Variants in DACH1 observed in about 807,000 individuals in gnomAD.
DACH1 encodes dachshund homolog 1.
In DACH1, 12 loss-of-function variants were observed where a neutral mutation model predicts 54.2. That is an observed-to-expected ratio of 0.22 (90% CI 0.14 to 0.36). The LOEUF (loss-of-function observed/expected upper bound fraction) is 0.36. DACH1 is among the 10% of genes least tolerant of loss of function. The pLI is 1.00. For missense variants in DACH1, 805 were observed against 929.8 expected (o/e 0.87, Z 1.75); for synonymous variants, 386 against 366.2 (o/e 1.05, Z -0.62).
intron 3 of DACH1, among the ~76,000 whole-genome samples, chr13:71,576,235 A>G (rs1159569305): frequency 6.6e-6 from 1 of 152,156 alleles, no homozygotes; most frequent in African/African-American, 2.4e-5. Flanking sequence ...GAATATACTA[A>G]TAACTACATA....
At chr13:71,626,636 T>C (rs1190787495) in intron 3 of DACH1, among the ~76,000 whole-genome samples, 1 of 152,040 alleles carries the variant, frequency 6.6e-6, no homozygotes, top group Non-Finnish European at 1.5e-5. Flanking sequence ...TGTCACAAGA[T>C]AGTACTTGAT....
In DACH1 at chr13:71,698,732, A is replaced by G. The variant is rs570482600; in HGVS notation, c.849-16822T>C. Among the ~76,000 whole-genome samples, 13 of 152,272 alleles carry G rather than the reference A, an allele frequency of 8.5e-5. No homozygotes were observed. In the East Asian group the frequency reaches 2.1e-3, roughly 25 times the overall value. On this transcript the variant is annotated intron_variant, in intron 1 of 10. Coordinates refer to ENST00000613252, the MANE Select transcript of DACH1 (RefSeq NM_080759.6). ...CAACAGGTTAGACAACAGTATGATC[A>G]TATTTTGTATAGGCTATCAGTATTT...
chr13:71,773,775 C>T (rs1885952981), intron 1 of DACH1, among the ~76,000 whole-genome samples: 1 of 151,918 alleles, frequency 6.6e-6, no homozygotes, highest in Non-Finnish European at 1.5e-5. Context: ...AGACAAACAG[C>T]TGTGAAAACA....
At chr13:71,672,053 A>G (rs1880237088) in intron 2 of DACH1, among the ~76,000 whole-genome samples, 1 of 152,136 alleles carries the variant, frequency 6.6e-6, no homozygotes, top group South Asian at 2.1e-4. Flanking sequence ...AAGTTTGTCA[A>G]TGTCTTACTA....
At chr13:71,606,008 C>T (rs988611416) in intron 3 of DACH1, among the ~76,000 whole-genome samples, 1 of 152,046 alleles carries the variant, frequency 6.6e-6, no homozygotes, top group Admixed American at 6.6e-5. Context: ...ACTGAAGCTA[C>T]ACTGTTGTGA....
rs542116128 is a variant in DACH1, at chr13:71,751,114, A to G, written c.849-69204T>C. On this transcript the variant is annotated intron_variant, in intron 1 of 10. Transcript: ENST00000613252. ...ACCCTTCTGTATGGAAGGAGGTTAC[A>G]AATCTGCCCCTTTTCCCTGTTCAAA... 3.0e-4 allele frequency among the ~76,000 whole-genome samples: 45 copies of G among 152,326 alleles called. No individual in the cohort carries two copies. In the South Asian group the frequency reaches 8.7e-3, roughly 29 times the overall value.
chr13:71,670,771 C>T (rs1461534484), intron 2 of DACH1, among the ~76,000 whole-genome samples: 1 of 152,030 alleles, frequency 6.6e-6, no homozygotes, highest in Non-Finnish European at 1.5e-5. Context: ...CTTTGTCTAG[C>T]TTCATCACTT....
chr13:71,439,726 C>CA lies in DACH1; in HGVS notation c.*928dup, dbSNP rs1417703361. ...TTTACATGCCTGCATGCGTTAAAAC[C>CA]AGAAAGACATCTTTCTGACCAACAG... On this transcript the variant is annotated 3_prime_UTR_variant, in exon 11 of 11. Coordinates refer to ENST00000613252, the MANE Select transcript of DACH1 (RefSeq NM_080759.6). 6.6e-6 allele frequency: 1 copy of CA among 152,312 alleles called. No individual in the cohort carries two copies. Among genetic ancestry groups the CA allele is most frequent in the Non-Finnish European group, 1.5e-5 (1 of 67,898 alleles). The allele number at this position is 152,312 out of a possible 1,614,324, so 9.4% of individuals were successfully genotyped here.
At chr13:71,571,040 A>G (rs1045509761) in intron 4 of DACH1, among the ~76,000 whole-genome samples, 4 of 152,182 alleles carry the variant, frequency 2.6e-5, no homozygotes, top group Non-Finnish European at 5.9e-5. Flanking sequence ...TACAGGCCAT[A>G]ATTTAGACAC....
At chr13:71,534,271 C>T (rs1216778403) in intron 6 of DACH1, among the ~76,000 whole-genome samples, 1 of 151,852 alleles carries the variant, frequency 6.6e-6, no homozygotes, top group Non-Finnish European at 1.5e-5. Context: ...GTATACTAAA[C>T]ATGAAATACA....
chr13:71,857,844 G>C (rs1466300489), intron 1 of DACH1, among the ~76,000 whole-genome samples: 1 of 151,836 alleles, frequency 6.6e-6, no homozygotes, highest in South Asian at 2.1e-4. Context: ...GAATGCATCA[G>C]TATATTTTAG....
chr13:71,595,149 T>C (rs1874003372), intron 3 of DACH1, among the ~76,000 whole-genome samples: 1 of 152,094 alleles, frequency 6.6e-6, no homozygotes, highest in South Asian at 2.1e-4. Context: ...CTCAAGAAGA[T>C]GGCTGGACAA....
chr13:71,664,623 G>T (rs1879711758), intron 2 of DACH1, among the ~76,000 whole-genome samples: 1 of 151,974 alleles, frequency 6.6e-6, no homozygotes, highest in Non-Finnish European at 1.5e-5. Flanking sequence ...TAAATAACTG[G>T]TGTACCACAT....
chr13:71,856,819 A>G (rs964911181), intron 1 of DACH1, among the ~76,000 whole-genome samples: 3 of 151,954 alleles, frequency 2.0e-5, no homozygotes, highest in African/African-American at 7.2e-5. Flanking sequence ...GTGTTTTCAA[A>G]GACAATTATA....
intron 10 of DACH1, among the ~76,000 whole-genome samples, chr13:71,461,355 T>A (rs1876058440): frequency 6.6e-6 from 1 of 152,034 alleles, no homozygotes; most frequent in Admixed American, 6.6e-5. Context: ...TGGGAGCTTT[T>A]TCCTTTATTT....
At chr13:71,730,026 G>T (rs143478519) in intron 1 of DACH1, among the ~76,000 whole-genome samples, 287 of 152,002 alleles carry the variant, frequency 1.9e-3, no homozygotes, top group Middle Eastern at 3.4e-3. Flanking sequence ...TAAGATTAAA[G>T]ACATTTTTTC....
chr13:71,843,602 G>C (rs1401862773), intron 1 of DACH1, among the ~76,000 whole-genome samples: 2 of 152,046 alleles, frequency 1.3e-5, no homozygotes, highest in Non-Finnish European at 2.9e-5. Flanking sequence ...ATGCTTCTAG[G>C]ATTCTATTGG....
chr13:71,768,372 A>G (rs1306914028), intron 1 of DACH1, among the ~76,000 whole-genome samples: 3 of 151,954 alleles, frequency 2.0e-5, no homozygotes, highest in African/African-American at 7.2e-5. Context: ...AAGGTTTAGG[A>G]TGTGCCAAGA....
intron 1 of DACH1, among the ~76,000 whole-genome samples, chr13:71,738,290 T>C (rs910121334): frequency 6.6e-6 from 1 of 151,690 alleles, no homozygotes; most frequent in South Asian, 2.1e-4. Context: ...GCAGGGTGAG[T>C]GAGGAGAGAG....
Sources: gnomAD v4.1 joint callset for allele counts (sites outside exome capture counted in the v4.1 genomes callset) on GRCh38, gnomAD v4.1.1 for gene constraint, MANE v1.5 for transcripts, NCBI Gene and HGNC (gene_info 2026-07-23, HGNC 2026-07-21) for gene names.